The following GABRB1 variants were observed in gnomAD, a reference collection of about 807,000 sequenced individuals.
GABRB1 encodes the protein gamma-aminobutyric acid receptor subunit beta-1.
A neutral mutation model predicts 51.6 loss-of-function variants in GABRB1; 17 were observed. The ratio of observed to expected loss-of-function variants is 0.33; its 90% CI spans 0.23 to 0.49. The LOEUF is 0.49. GABRB1 is among the 20% of genes least tolerant of loss of function. The pLI, the probability that GABRB1 is intolerant of heterozygous loss-of-function variation, is 0.99. For missense variants in GABRB1, 410 were observed against 600.6 expected (o/e 0.68, Z 3.32); for synonymous variants, 247 against 218.9 (o/e 1.13, Z -1.14).
At chr4:47,010,343 T>C (rs1186121494) in intron 1 of GABRB1, among the ~76,000 whole-genome samples, 1 of 152,200 alleles carries the variant, frequency 6.6e-6, no homozygotes, top group Non-Finnish European at 1.5e-5. Flanking sequence ...GTAATAACTT[T>C]TTACATTATT....
intron 4 of GABRB1, among the ~76,000 whole-genome samples, chr4:47,187,140 T>C (rs1261786409): frequency 6.6e-6 from 1 of 151,886 alleles, no homozygotes; most frequent in Non-Finnish European, 1.5e-5. Flanking sequence ...CGAAGCATAC[T>C]TAGCTACAGC....
At chr4:47,382,328 C>A (rs1341198320) in intron 5 of GABRB1, among the ~76,000 whole-genome samples, 2 of 152,106 alleles carry the variant, frequency 1.3e-5, no homozygotes, top group Admixed American at 1.3e-4. Flanking sequence ...CAGTAGCACT[C>A]CTTTCACAAC....
intron 4 of GABRB1, among the ~76,000 whole-genome samples, chr4:47,250,069 G>A (rs2109861947): frequency 6.6e-6 from 1 of 152,206 alleles, no homozygotes; most frequent in Admixed American, 6.5e-5. Context: ...GCTTTAAAGA[G>A]GTTCTGTTTT....
At chr4:47,294,940 C>T (rs1412340928) in intron 4 of GABRB1, among the ~76,000 whole-genome samples, 7 of 152,184 alleles carry the variant, frequency 4.6e-5, no homozygotes, top group Non-Finnish European at 8.8e-5. Context: ...CAGCAGCATT[C>T]GTGGTTCACG....
intron 3 of GABRB1, among the ~76,000 whole-genome samples, chr4:47,125,478 T>C (rs1326133002): frequency 2.0e-5 from 3 of 151,694 alleles, no homozygotes; most frequent in East Asian, 3.9e-4. Context: ...ATTTAAACTT[T>C]AGTATAAAAA....
chr4:47,316,781 T>C (rs760595423), intron 4 of GABRB1, among the ~76,000 whole-genome samples: 8 of 151,936 alleles, frequency 5.3e-5, no homozygotes, highest in Non-Finnish European at 1.0e-4. Flanking sequence ...CAATTCAGGG[T>C]AGCCTTTGCT....
At chr4:47,182,067 G>A (rs1718971441) in intron 4 of GABRB1, among the ~76,000 whole-genome samples, 1 of 152,030 alleles carries the variant, frequency 6.6e-6, no homozygotes, top group Non-Finnish European at 1.5e-5. Flanking sequence ...AATGCAGAAG[G>A]CATAATCTGA....
chr4:47,105,982 C>T (rs1714952001), intron 3 of GABRB1, among the ~76,000 whole-genome samples: 1 of 152,052 alleles, frequency 6.6e-6, no homozygotes, highest in Non-Finnish European at 1.5e-5. Context: ...AGCAAGTATT[C>T]ACATCTGCCT....
chr4:47,399,882 A>G (rs1192348409), intron 5 of GABRB1, among the ~76,000 whole-genome samples: 1 of 152,184 alleles, frequency 6.6e-6, no homozygotes, highest in African/African-American at 2.4e-5. Context: ...TTGTAAGACT[A>G]TTATTACACC....
chr4:47,400,135 C>A (rs1222867707), intron 5 of GABRB1, among the ~76,000 whole-genome samples: 1 of 152,104 alleles, frequency 6.6e-6, no homozygotes, highest in East Asian at 1.9e-4. Flanking sequence ...GTCTTCCAAG[C>A]CACAGATTGT....
intron 3 of GABRB1, among the ~76,000 whole-genome samples, chr4:47,034,714 T>G (rs1725476712): frequency 6.6e-6 from 1 of 152,164 alleles, no homozygotes; most frequent in Admixed American, 6.5e-5. Flanking sequence ...ATAAATAGAT[T>G]GGAAATAACT....
chr4:47,001,354 G>A (rs1283537727), intron 1 of GABRB1, among the ~76,000 whole-genome samples: 2 of 152,042 alleles, frequency 1.3e-5, no homozygotes, highest in Non-Finnish European at 2.9e-5. Flanking sequence ...GTGTTAGCCA[G>A]GATGGTCTGA....
chr4:47,132,251 T>C (rs1011082126), intron 3 of GABRB1, among the ~76,000 whole-genome samples: 4 of 152,216 alleles, frequency 2.6e-5, no homozygotes, highest in African/African-American at 9.6e-5. Flanking sequence ...ATGCTAACTT[T>C]CTTATTATTT....
intron 4 of GABRB1, among the ~76,000 whole-genome samples, chr4:47,174,713 T>C (rs1188844137): frequency 6.6e-5 from 10 of 152,124 alleles, no homozygotes; most frequent in African/African-American, 2.4e-4. Flanking sequence ...TATTGAGACA[T>C]ATTGCCATCA....
chr4:47,337,436 G>T (rs1725738281), intron 5 of GABRB1, among the ~76,000 whole-genome samples: 1 of 152,050 alleles, frequency 6.6e-6, no homozygotes. Flanking sequence ...TACTTTTGAT[G>T]GACTGTGTGC....
chr4:47,327,515 G>A (rs980517159), intron 5 of GABRB1, among the ~76,000 whole-genome samples: 3 of 152,104 alleles, frequency 2.0e-5, no homozygotes, highest in Admixed American at 6.6e-5. Context: ...TTATCATAAG[G>A]CATTAACTAT....
chr4:47,046,496 G>A (rs1033396685), intron 3 of GABRB1, among the ~76,000 whole-genome samples: 4 of 151,906 alleles, frequency 2.6e-5, no homozygotes, highest in African/African-American at 7.3e-5. Flanking sequence ...CACTGAGAAG[G>A]TAAGTTACAA....
chr4:47,057,680 C>T (rs1432760776), intron 3 of GABRB1, among the ~76,000 whole-genome samples: 1 of 152,222 alleles, frequency 6.6e-6, no homozygotes, highest in African/African-American at 2.4e-5. Flanking sequence ...AGAATAGATT[C>T]ACATTTTCTC....
At chr4:47,402,344 T>A (rs1224507240) in intron 5 of GABRB1, among the ~76,000 whole-genome samples, 1 of 152,192 alleles carries the variant, frequency 6.6e-6, no homozygotes, top group Non-Finnish European at 1.5e-5. Context: ...CCCCTGCAAT[T>A]CTAATGGAAA....
Sources: gnomAD v4.1 joint callset for allele counts (sites outside exome capture counted in the v4.1 genomes callset) on GRCh38, gnomAD v4.1.1 for gene constraint, MANE v1.5 for transcripts, NCBI Gene and HGNC (gene_info 2026-07-23, HGNC 2026-07-21) for gene names.